Variants in PTPN4 observed in about 807,000 individuals in gnomAD.
The protein encoded by PTPN4 is tyrosine-protein phosphatase non-receptor type 4.
Under a neutral mutation model 135.5 loss-of-function variants are expected in PTPN4, and 49 were observed. The ratio of observed to expected loss-of-function variants is 0.36; its 90% CI spans 0.29 to 0.46. The LOEUF (loss-of-function observed/expected upper bound fraction) is 0.46, where lower values mean the gene tolerates loss of function less well. Ranked by LOEUF, PTPN4 falls within the 20% of genes least tolerant of loss-of-function variation. The pLI is 1.00. For missense variants in PTPN4, 860 were observed against 1,101.0 expected, an observed-to-expected ratio of 0.78 and a Z score of 3.10; for synonymous variants, 333 against 369.9, an observed-to-expected ratio of 0.90 and a Z score of 1.14.
At chr2:119,944,019 T>C (rs1353583279) in intron 15 of PTPN4, among the ~76,000 whole-genome samples, 1 of 152,274 alleles carries the variant, frequency 6.6e-6, no homozygotes, top group Non-Finnish European at 1.5e-5. Flanking sequence ...TTTTTTTTAA[T>C]GATAATATCA....
chr2:119,976,058 C>T (rs1343847401), intron 26 of PTPN4, among the ~76,000 whole-genome samples: 6 of 149,822 alleles, frequency 4.0e-5, no homozygotes, highest in Non-Finnish European at 8.9e-5. Context: ...CACAGTGGCG[C>T]GATCTCGGCT....
In PTPN4 at chr2:119,956,910, A is replaced by T; in HGVS notation, c.2047A>T (p.Asn683Tyr). ...CAKLPQNISK[N>Y]RYRDISPYDA... ...CAAATTACCTCAGAATATTTCCAAA[A>T]ATAGATACAGAGATATTTCGCCTTG... Residue 683 changes from asparagine (N) to tyrosine (Y), a missense_variant, in exon 21 of 27, where the codon AAT becomes TAT. Physicochemically the swap from Asn to Tyr is moderately radical, Grantham distance 143. Around this residue, in one of 2 missense-constraint regions of PTPN4, gnomAD observed 684 missense variants for 807.0 expected, o/e 0.85. Transcript: ENST00000263708. 1 of 1,610,728 alleles carries T rather than the reference A, an allele frequency of 6.2e-7. No homozygotes were observed. Among genetic ancestry groups the T allele is most frequent in the Non-Finnish European group, 8.5e-7 (1 of 1,179,316 alleles).
chr2:119,823,373 T>A (rs1677099082), intron 2 of PTPN4, among the ~76,000 whole-genome samples: 1 of 152,044 alleles, frequency 6.6e-6, no homozygotes. Flanking sequence ...TAGCTGGGAC[T>A]CCAGGTGCCC....
rs911775036 is a variant in PTPN4, at chr2:119,814,009, TA to T, written c.138+4027del. ...ATTATTTACCCAGGTGTGCCATACT[TA>T]AAAAAAAATGTATATGTGTGTGTAT... On this transcript the variant is annotated intron_variant, in intron 2 of 26. Transcript: ENST00000263708. 2.9e-3 allele frequency among the ~76,000 whole-genome samples: 434 copies of T among 151,694 alleles called. 9 individuals carry two copies. Among genetic ancestry groups the T allele is most frequent in the Admixed American group, 0.022 (329 of 15,228 alleles).
At chr2:119,964,120 C>T (rs1393369066) in intron 24 of PTPN4, among the ~76,000 whole-genome samples, 3 of 152,164 alleles carry the variant, frequency 2.0e-5, no homozygotes, top group Non-Finnish European at 4.4e-5. Flanking sequence ...GTGTAAATGG[C>T]AATAACCATA....
In PTPN4 at chr2:119,945,396, T is replaced by A. The variant is rs7600358; in HGVS notation, c.1515+156T>A. ...TGGTCCTGAATTGTGCCATGATGTA[T>A]CTCAATATAAGTTCTATAATTAGAA... On this transcript the variant is annotated intron_variant, in intron 16 of 26. Coordinates refer to ENST00000263708, the MANE Select transcript of PTPN4 (RefSeq NM_002830.4). 0.73 allele frequency among the ~76,000 whole-genome samples: 111,205 copies of A among 151,822 alleles called. 40,797 individuals are homozygous for A. The highest frequency in any genetic ancestry group is 0.82 in the East Asian group (4,263 of 5,170).
intron 2 of PTPN4, among the ~76,000 whole-genome samples, chr2:119,812,787 A>G (rs568964884): frequency 1.3e-5 from 2 of 152,326 alleles, no homozygotes; most frequent in South Asian, 4.1e-4. Context: ...CTCACTAAAT[A>G]TGTTTGCATT....
intron 3 of PTPN4, among the ~76,000 whole-genome samples, chr2:119,863,824 C>T (rs1021137852): frequency 1.3e-5 from 2 of 152,128 alleles, no homozygotes; most frequent in African/African-American, 4.8e-5. Context: ...TTGATGCCTT[C>T]ACTAGACCAC....
At position 119,932,437 on chromosome 2, in the gene PTPN4, C is replaced by T. The variant is rs773817863; in HGVS notation, c.1084C>T (p.Pro362Ser). 19 of 1,608,734 alleles carry T rather than the reference C, an allele frequency of 1.2e-5. No homozygotes were observed. Among genetic ancestry groups the T allele is most frequent in the Non-Finnish European group, 1.5e-5 (18 of 1,177,060 alleles). Reference protein sequence around the residue: ...DRVFARSPSKPLARKLMDWEV... With the variant: ...DRVFARSPSKSLARKLMDWEV... ...TTATTTCTGCAGATCCCCAAGTAAG[C>T]CCTTGGCACGGAAATTAATGGATTG... The change falls in exon 14 of 27, where the codon CCC becomes TCC. Residue 362 changes from proline to serine, a missense_variant. Physicochemically the swap from Pro to Ser is moderately conservative, Grantham distance 74. Around this residue, in one of 2 missense-constraint regions of PTPN4, gnomAD observed 684 missense variants for 807.0 expected, o/e 0.85. Transcript: ENST00000263708.
At chr2:119,764,639 C>CT (rs1179572514) in intron 1 of PTPN4, among the ~76,000 whole-genome samples, 67 of 145,774 alleles carry the variant, frequency 4.6e-4, no homozygotes, top group African/African-American at 8.8e-4. Flanking sequence ...TCTTCTTAAG[C>CT]TTTTTTTTTT....
At position 119,767,949 on chromosome 2, in the gene PTPN4, A is replaced by G. The variant is rs949679588; in HGVS notation, c.-18+7565A>G. ...TGAGAAGATATCTGGGAGTGTGTCAATAGAGCTGAAGGCTGTAACCACGAG... is the reference window on the plus strand; with the variant it reads ...TGAGAAGATATCTGGGAGTGTGTCAGTAGAGCTGAAGGCTGTAACCACGAG... On this transcript the variant is annotated intron_variant, in intron 1 of 26. Transcript: ENST00000263708. Among the ~76,000 whole-genome samples the G allele has an allele frequency of 2.3e-4, 35 of 152,326 alleles. 1 individual carries two copies. Among genetic ancestry groups the G allele is most frequent in the Admixed American group, 5.9e-4 (9 of 15,292 alleles).
chr2:119,817,943 C>T (rs1677012954), intron 2 of PTPN4, among the ~76,000 whole-genome samples: 1 of 151,930 alleles, frequency 6.6e-6, no homozygotes, highest in Admixed American at 6.6e-5. Context: ...GGAGTTCATT[C>T]CTGATTTGGC....
intron 1 of PTPN4, among the ~76,000 whole-genome samples, chr2:119,780,624 C>G (rs563306863): frequency 6.6e-6 from 1 of 152,254 alleles, no homozygotes; most frequent in South Asian, 2.1e-4. Context: ...TCACTAGATT[C>G]AAGTTAAACA....
At chr2:119,928,986 G>A (rs1408555268) in intron 13 of PTPN4, among the ~76,000 whole-genome samples, 2 of 152,028 alleles carry the variant, frequency 1.3e-5, no homozygotes, top group Non-Finnish European at 1.5e-5. Context: ...TGTTCATTTT[G>A]TGTATTCATT....
chr2:119,917,591 G>A (rs946937003), intron 11 of PTPN4, among the ~76,000 whole-genome samples: 1 of 152,086 alleles, frequency 6.6e-6, no homozygotes, highest in Non-Finnish European at 1.5e-5. Context: ...AAAAATGGTT[G>A]TGGTGGCACA....
chr2:119,775,530 A>C (rs1427496957), intron 1 of PTPN4, among the ~76,000 whole-genome samples: 1 of 152,208 alleles, frequency 6.6e-6, no homozygotes, highest in African/African-American at 2.4e-5. Flanking sequence ...TTCAGACTCC[A>C]GATTGATTAG....
chr2:119,931,479 G>C (rs1405630783), intron 13 of PTPN4, among the ~76,000 whole-genome samples: 1 of 61,592 alleles, frequency 1.6e-5, no homozygotes, highest in Non-Finnish European at 2.9e-5. Flanking sequence ...TTTTACTCTT[G>C]TCACCCAGGT....
chr2:119,860,481 A>T (rs1677745600), intron 2 of PTPN4, among the ~76,000 whole-genome samples: 1 of 152,200 alleles, frequency 6.6e-6, no homozygotes, highest in African/African-American at 2.4e-5. Context: ...GATGAGAAAG[A>T]TGGAAAGAAA....
chr2:119,899,250 A>G (rs1678369074), intron 9 of PTPN4, among the ~76,000 whole-genome samples: 1 of 152,136 alleles, frequency 6.6e-6, no homozygotes, highest in Non-Finnish European at 1.5e-5. Flanking sequence ...ATCCAGTTGG[A>G]GTGGGATTAT....
Sources: gnomAD v4.1 joint callset for allele counts (sites outside exome capture counted in the v4.1 genomes callset) on GRCh38, gnomAD v4.1.1 for gene constraint, gnomAD v4.1.1 regional missense constraint, MANE v1.5 for transcripts, NCBI Gene and HGNC (gene_info 2026-07-23, HGNC 2026-07-21) for gene names.